Variants in PAPPA2 observed in about 807,000 individuals in gnomAD.
PAPPA2 encodes pappalysin-2.
In PAPPA2, 86 loss-of-function variants were observed where a neutral mutation model predicts 176.4. The ratio of observed to expected loss-of-function variants is 0.49; its 90% CI spans 0.41 to 0.58. PAPPA2 has a LOEUF of 0.58. PAPPA2 is among the 20% of genes least tolerant of loss of function. The probability of loss-of-function intolerance (pLI) is 0.00; values close to 1 mark genes in which losing one functional copy is unlikely to be tolerated. For missense variants in PAPPA2, 2,073 were observed against 2,256.9 expected, an observed-to-expected ratio of 0.92 and a Z score of 1.65; for synonymous variants, 809 against 852.2, an observed-to-expected ratio of 0.95 and a Z score of 0.88.
At chr1:176,790,122 T>C in intron 18 of PAPPA2, 145 bp downstream of exon 18, 1 of 948,856 alleles carries the variant, frequency 1.1e-6, no homozygotes, top group Non-Finnish European at 1.6e-6. Flanking sequence ...TATTATGCAA[T>C]AGAAAATTCA....
chr1:176,784,981 C>T (rs1199788418), intron 17 of PAPPA2, among the ~76,000 whole-genome samples: 1 of 152,146 alleles, frequency 6.6e-6, no homozygotes, highest in East Asian at 1.9e-4. Flanking sequence ...GGACTCCACC[C>T]TTGTGACTTA....
intron 14 of PAPPA2, among the ~76,000 whole-genome samples, chr1:176,743,111 T>A (rs1216047282): frequency 1.4e-4 from 21 of 152,142 alleles, no homozygotes; most frequent in Admixed American, 1.4e-3. Flanking sequence ...AAAACTCTTA[T>A]CAAAATGAAA....
intron 1 of PAPPA2, among the ~76,000 whole-genome samples, chr1:176,533,636 A>G (rs1321803161): frequency 6.6e-6 from 1 of 152,220 alleles, no homozygotes; most frequent in Non-Finnish European, 1.5e-5. Flanking sequence ...CTCGTCACCT[A>G]AAACTTCCTT....
At position 176,556,081 on chromosome 1, in the gene PAPPA2, A is replaced by AGCGAGAAGCGT. The variant is rs1181711915; in HGVS notation, c.-238_-228dup. On this transcript the variant is annotated 5_prime_UTR_variant, in exon 2 of 23. It introduces an in-frame stop codon into an upstream open reading frame of the 5' UTR. Coordinates refer to ENST00000367662, the MANE Select transcript of PAPPA2 (RefSeq NM_020318.3). ...AAGTACAGCAAGAGGAGAGAGGTCA[A>AGCGAGAAGCGT]GCGAGAAGCGTGCGGGAAGCACATG... 1 of 539,302 alleles carries AGCGAGAAGCGT rather than the reference A, an allele frequency of 1.9e-6. No homozygotes were observed. The highest frequency in any genetic ancestry group is 3.3e-6 in the Non-Finnish European group (1 of 305,700). The allele number at this position is 539,302 out of a possible 1,614,324, so 33.4% of individuals were successfully genotyped here.
chr1:176,566,464 T>G (rs150958676), intron 2 of PAPPA2, among the ~76,000 whole-genome samples: 3 of 152,066 alleles, frequency 2.0e-5, no homozygotes, highest in East Asian at 3.9e-4. Context: ...AGGGAGACAA[T>G]GCAGTGGATG....
Position 176,690,620 on chromosome 1 carries a change from A to G in PAPPA2, c.2431+190A>G. On this transcript the variant is annotated intron_variant, in intron 5 of 22. Coordinates refer to ENST00000367662, the MANE Select transcript of PAPPA2 (RefSeq NM_020318.3). ...GAAGAACTTGAAGAAATACTGACAT[A>G]TTAAGGTACTTTGTTCACTGAATTC... 5 of 1,392,838 alleles carry G rather than the reference A, an allele frequency of 3.6e-6. No individual in the cohort carries two copies. The South Asian group carries it at 9.6e-5, about 27-fold the overall frequency. 86.3% of individuals were successfully genotyped at this position (1,392,838 alleles called of 1,614,324 possible).
intron 1 of PAPPA2, among the ~76,000 whole-genome samples, chr1:176,493,955 T>C (rs899563732): frequency 7.2e-5 from 11 of 152,246 alleles, no homozygotes; most frequent in Non-Finnish European, 1.6e-4. Context: ...TGCTGTTTAA[T>C]TGTGTTTTAC....
intron 3 of PAPPA2, among the ~76,000 whole-genome samples, chr1:176,645,439 C>T (rs971698667): frequency 1.1e-4 from 17 of 151,724 alleles, no homozygotes; most frequent in African/African-American, 4.1e-4. Flanking sequence ...CTTTTTATGG[C>T]TGAATAATAT....
chr1:176,612,132 G>A (rs779470696), intron 3 of PAPPA2, among the ~76,000 whole-genome samples: 1 of 152,158 alleles, frequency 6.6e-6, no homozygotes, highest in Non-Finnish European at 1.5e-5. Context: ...GGTGGCTCAT[G>A]CCTTTAATCC....
At chr1:176,837,205 A>G (rs1410355008) in intron 21 of PAPPA2, among the ~76,000 whole-genome samples, 1 of 152,188 alleles carries the variant, frequency 6.6e-6, no homozygotes, top group Non-Finnish European at 1.5e-5. Context: ...CCGTGGCAAG[A>G]AAAGGCTTCC....
At chr1:176,595,863 A>T (rs1653950048) in intron 3 of PAPPA2, among the ~76,000 whole-genome samples, 1 of 152,216 alleles carries the variant, frequency 6.6e-6, no homozygotes, top group Non-Finnish European at 1.5e-5. Flanking sequence ...ACCCAAAAGC[A>T]TATGCACCAG....
intron 2 of PAPPA2, among the ~76,000 whole-genome samples, chr1:176,579,470 A>T (rs1652838135): frequency 6.6e-6 from 1 of 152,164 alleles, no homozygotes; most frequent in African/African-American, 2.4e-5. Context: ...AGTAATGGCC[A>T]ACAGGGAGAC....
At chr1:176,836,241 G>GT (rs1206827889) in intron 21 of PAPPA2, among the ~76,000 whole-genome samples, 3 of 151,992 alleles carry the variant, frequency 2.0e-5, no homozygotes, top group East Asian at 1.9e-4. Flanking sequence ...ATAACGAGAA[G>GT]TTTTTTTTAT....
At chr1:176,518,067 C>T (rs1212167129) in intron 1 of PAPPA2, among the ~76,000 whole-genome samples, 1 of 152,124 alleles carries the variant, frequency 6.6e-6, no homozygotes. Context: ...GAGCTTGAAA[C>T]AGGCCAAGGT....
At chr1:176,746,630 A>T (rs1411617929) in intron 14 of PAPPA2, among the ~76,000 whole-genome samples, 3 of 152,188 alleles carry the variant, frequency 2.0e-5, no homozygotes, top group African/African-American at 7.2e-5. Flanking sequence ...TTTGAACTTA[A>T]GCAAAGACCA....
At chr1:176,688,013 A>G (rs1454571241) in intron 4 of PAPPA2, among the ~76,000 whole-genome samples, 1 of 152,184 alleles carries the variant, frequency 6.6e-6, no homozygotes, top group African/African-American at 2.4e-5. Flanking sequence ...TGTTTTTTAA[A>G]AGTATTACCC....
At chr1:176,546,836 T>A (rs1025873536) in intron 1 of PAPPA2, among the ~76,000 whole-genome samples, 1 of 152,174 alleles carries the variant, frequency 6.6e-6, no homozygotes, top group Non-Finnish European at 1.5e-5. Context: ...TTTGGAAAAA[T>A]GCTGATTTTG....
At chr1:176,582,003 A>G (rs1458432690) in intron 2 of PAPPA2, among the ~76,000 whole-genome samples, 1 of 145,910 alleles carries the variant, frequency 6.9e-6, no homozygotes, top group Non-Finnish European at 1.5e-5. Flanking sequence ...GGCTCACTGC[A>G]AGCTCCGCCT....
chr1:176,741,821 T>C (rs1480401214), intron 14 of PAPPA2, among the ~76,000 whole-genome samples: 1 of 152,220 alleles, frequency 6.6e-6, no homozygotes, highest in Non-Finnish European at 1.5e-5. Context: ...ATGTAGACTA[T>C]TAAAATAACA....
Sources: gnomAD v4.1 joint callset for allele counts (sites outside exome capture counted in the v4.1 genomes callset) on GRCh38, gnomAD v4.1.1 for gene constraint, MANE v1.5 for transcripts, NCBI Gene and HGNC (gene_info 2026-07-23, HGNC 2026-07-21) for gene names.